The following HAL variants were observed in gnomAD, a reference collection of about 807,000 sequenced individuals.
HAL encodes histidase.
Under a neutral mutation model 81.1 loss-of-function variants are expected in HAL, and 85 were observed. The observed-to-expected ratio is 1.05, with a 90% CI of 0.88 to 1.25. The LOEUF is 1.25. HAL is among the 50% of genes most tolerant of loss of function. The probability of loss-of-function intolerance (pLI) is 0.00; values close to 1 mark genes in which losing one functional copy is unlikely to be tolerated. For synonymous variants in HAL, 301 were observed against 309.2 expected, an observed-to-expected ratio of 0.97 and a Z score of 0.28; for missense variants, 798 against 836.6, an observed-to-expected ratio of 0.95 and a Z score of 0.57.
At chr12:95,989,268 C>G (rs1488986950) in intron 10 of HAL, among the ~76,000 whole-genome samples, 1 of 152,208 alleles carries the variant, frequency 6.6e-6, no homozygotes, top group Non-Finnish European at 1.5e-5. Flanking sequence ...TCACTGCAGC[C>G]TTGAACTCCT....
chr12:95,978,127 G>A lies in HAL; in HGVS notation c.1520-49C>T, dbSNP rs776055893. 5 of 1,503,062 alleles carry A rather than the reference G, an allele frequency of 3.3e-6. No homozygotes were observed. The South Asian group carries it at 3.4e-5, about 10-fold the overall frequency. 93.1% of individuals were successfully genotyped at this position (1,503,062 alleles called of 1,614,324 possible). ...AGAAGTGCTCCTCACAGGATGAGCT[G>A]TCTAAAGGACCCGTGGCTTCCACAG... On this transcript the variant is annotated intron_variant, in intron 17 of 20. Coordinates refer to ENST00000261208, the MANE Select transcript of HAL (RefSeq NM_002108.4).
intron 11 of HAL, among the ~76,000 whole-genome samples, chr12:95,987,873 T>TA (rs1314723751): frequency 7.5e-6 from 1 of 134,008 alleles, no homozygotes; most frequent in Non-Finnish European, 1.6e-5. Context: ...CATGCCTGGC[T>TA]AATTTTTGTC....
chr12:95,996,151 C>T lies in HAL; in HGVS notation c.-155G>A. 5.7e-6 allele frequency: 3 copies of T among 529,806 alleles called. No individual in the cohort carries two copies. The highest frequency in any genetic ancestry group is 6.9e-6 in the Non-Finnish European group (2 of 288,740). 32.8% of individuals were successfully genotyped at this position (529,806 alleles called of 1,614,324 possible). On this transcript the variant is annotated 5_prime_UTR_variant, in exon 1 of 21. It adds an upstream start codon to the 5' untranslated region. Transcript: ENST00000261208. ...TGCAGACGGGTGAGCCTCCTGTCCA[C>T]TTTCCATCCAGACCTGCTGCCAGAA...
chr12:95,974,139 T>C lies in HAL; in HGVS notation c.*93A>G. 9.4e-7 allele frequency: 1 copy of C among 1,068,270 alleles called. No individual in the cohort carries two copies. The highest frequency in any genetic ancestry group is 1.5e-6 in the Non-Finnish European group (1 of 682,276). The allele number at this position is 1,068,270 out of a possible 1,614,324, so 66.2% of individuals were successfully genotyped here. ...AACTGAATGATACAATGGATTGATC[T>C]ACCTAGGAAAGTTCTCAGGTCTCTC... On this transcript the variant is annotated 3_prime_UTR_variant, in exon 21 of 21. Transcript: ENST00000261208.
Position 95,973,823 on chromosome 12 carries a change from T to TAAAA in HAL, c.*405_*408dup, listed in dbSNP as rs71307533. On this transcript the variant is annotated 3_prime_UTR_variant, in exon 21 of 21. Transcript: ENST00000261208. The stretch of plus-strand genomic sequence containing the variant: ...GGTGGAGAGCTTGTTGAAGCAAATT[T>TAAAA]AAAAAAAAAAAAAAAGGTTAACAAA... 0.081 allele frequency: 12,221 copies of TAAAA among 150,224 alleles called. 630 individuals carry two copies. Among genetic ancestry groups the TAAAA allele is most frequent in the Non-Finnish European group, 0.12 (8,647 of 69,878 alleles). The allele number at this position is 150,224 out of a possible 1,614,324, so 9.3% of individuals were successfully genotyped here. A position where few individuals can be genotyped will look rare whatever the true frequency, so the allele number is the denominator to read the frequency against.
intron 18 of HAL, 86 bp downstream of exon 18, chr12:95,977,858 A>ATGTTGC: frequency 7.2e-7 from 1 of 1,389,458 alleles, no homozygotes; most frequent in East Asian, 2.3e-5. Context: ...GGTGATGCTG[A>ATGTTGC]TGTTGCTGGT....
rs1950030062 is a variant in HAL at position 95,995,861 on chromosome 12, C to A, written c.50G>T (p.Cys17Phe). 1 of 1,608,896 alleles carries A rather than the reference C, an allele frequency of 6.2e-7. No individual in the cohort carries two copies. Among genetic ancestry groups the A allele is most frequent in the Non-Finnish European group, 8.5e-7 (1 of 1,179,942 alleles). Residue 17 changes from cysteine (C) to phenylalanine (F), a missense_variant, in exon 2 of 21, where the codon TGC becomes TTC. By Grantham distance (205) the Cys-to-Phe change is radical. Transcript: ENST00000261208. Reference protein sequence around the residue: ...HVRGEWLAVPCQDAQLTVGWL... With the variant: ...HVRGEWLAVPFQDAQLTVGWL... Reference sequence around the variant, plus strand: ...GCCCACAGTGAGCTGCGCGTCCTGGCAGGGCACTGCCAGCCATTCCCCACG... The same window carrying A: ...GCCCACAGTGAGCTGCGCGTCCTGGAAGGGCACTGCCAGCCATTCCCCACG...
At chr12:95,987,892 C>T (rs1244514821) in intron 11 of HAL, among the ~76,000 whole-genome samples, 2 of 29,924 alleles carry the variant, frequency 6.7e-5, no homozygotes, top group Middle Eastern at 0.016. Flanking sequence ...TCTTTTTTGG[C>T]GGGGCGGGGG....
rs1365129216 is a variant in HAL at position 95,993,935 on chromosome 12, C to G, written c.475G>C (p.Glu159Gln). 6.3e-7 allele frequency: 1 copy of G among 1,593,098 alleles called. No homozygotes were observed. The highest frequency in any genetic ancestry group is 1.1e-5 in the South Asian group (1 of 90,598). ...SREVIDSIIKEKTVVYGITTG... is the reference protein window; with the variant it reads ...SREVIDSIIKQKTVVYGITTG... ...AAAGATAAAAAGATACCTGTTTTCT[C>G]TTTTATGATGCTATCTATGACCTCC... The change falls in exon 6 of 21, where the codon GAG becomes CAG. Residue 159 changes from glutamate (E) to glutamine (Q), a missense_variant. Physicochemically the swap from Glu to Gln is conservative, Grantham distance 29 (BLOSUM62 2). Transcript: ENST00000261208.
At chr12:95,984,804 T>C (rs1239477628) in intron 14 of HAL, among the ~76,000 whole-genome samples, 1 of 152,256 alleles carries the variant, frequency 6.6e-6, no homozygotes, top group Non-Finnish European at 1.5e-5. Flanking sequence ...TTAATCTTCC[T>C]GTAGATCTAA....
At chr12:95,990,964 G>A (rs1949962895) in intron 9 of HAL, among the ~76,000 whole-genome samples, 1 of 152,142 alleles carries the variant, frequency 6.6e-6, no homozygotes, top group Admixed American at 6.6e-5. Context: ...ACAAAAATTA[G>A]CCAAGTATGG....
intron 2 of HAL, 183 bp from the exon 3 acceptor site, chr12:95,995,176 G>A: frequency 1.5e-6 from 1 of 659,956 alleles, no homozygotes; most frequent in Non-Finnish European, 2.7e-6. Context: ...AAGCAGAAAG[G>A]TAGGTGTCAG....
chr12:95,978,666 A>G (rs781720633), intron 17 of HAL, among the ~76,000 whole-genome samples: 3 of 152,144 alleles, frequency 2.0e-5, no homozygotes, highest in Non-Finnish European at 4.4e-5. Flanking sequence ...TATAACAAAT[A>G]TACTGAGCTT....
At chr12:95,981,269 G>T (rs2080792492) in intron 15 of HAL, among the ~76,000 whole-genome samples, 1 of 152,170 alleles carries the variant, frequency 6.6e-6, no homozygotes, top group African/African-American at 2.4e-5. Flanking sequence ...TTCCATAGAA[G>T]AATCTGTTGA....
chr12:95,992,531 C>T, intron 9 of HAL, 149 bp downstream of exon 9: 1 of 659,510 alleles, frequency 1.5e-6, no homozygotes, highest in South Asian at 1.7e-5. Flanking sequence ...CCCCATCTAA[C>T]TATCCTACTT....
Position 95,974,022 on chromosome 12 carries a change from C to A in HAL, c.*210G>T. ...GAAAAGTTTTATAATCTGAAAATACCTGGTGGGTCTTGAACCACGACAACA... is the reference window on the plus strand; with the variant it reads ...GAAAAGTTTTATAATCTGAAAATACATGGTGGGTCTTGAACCACGACAACA... On this transcript the variant is annotated 3_prime_UTR_variant, in exon 21 of 21. Coordinates refer to ENST00000261208, the MANE Select transcript of HAL (RefSeq NM_002108.4). 1 of 610,362 alleles carries A rather than the reference C, an allele frequency of 1.6e-6. No individual in the cohort carries two copies. Among genetic ancestry groups the A allele is most frequent in the South Asian group, 1.9e-5 (1 of 51,400 alleles). The allele number at this position is 610,362 out of a possible 1,614,324, so 37.8% of individuals were successfully genotyped here.
rs942857961 is a variant in HAL, at chr12:95,974,227, G to A, written c.*5C>T. On this transcript the variant is annotated 3_prime_UTR_variant, in exon 21 of 21. Transcript: ENST00000261208. ...CTCTCATCTGCTACTTCATGACAAA[G>A]CCCATTAAAGGTCCTCAGACTCCGG... 1 of 1,613,122 alleles carries A rather than the reference G, an allele frequency of 6.2e-7. No individual in the cohort carries two copies. The highest frequency in any genetic ancestry group is 1.3e-5 in the African/African-American group (1 of 74,890).
chr12:95,995,920 G>A lies in HAL; in HGVS notation c.-10C>T. 6.2e-7 allele frequency: 1 copy of A among 1,601,922 alleles called. No individual in the cohort carries two copies. ...CCGTGTATCTGGGCATGGCTCCGCTGCAGCCTGAGGTCCTCAGCTGGTCAC... is the reference window on the plus strand; with the variant it reads ...CCGTGTATCTGGGCATGGCTCCGCTACAGCCTGAGGTCCTCAGCTGGTCAC... On this transcript the variant is annotated 5_prime_UTR_variant, in exon 2 of 21. Transcript: ENST00000261208.
intron 18 of HAL, among the ~76,000 whole-genome samples, chr12:95,977,329 G>C (rs950302774): frequency 4.0e-5 from 6 of 151,796 alleles, no homozygotes; most frequent in Non-Finnish European, 5.9e-5. Context: ...TCAAGGTGGG[G>C]TGTGAGAGTT....
Sources: allele counts gnomAD v4.1 joint callset (sites outside exome capture counted in the v4.1 genomes callset), GRCh38; gene constraint gnomAD v4.1.1; transcripts MANE v1.5; gene names NCBI Gene and HGNC (gene_info 2026-07-23, HGNC 2026-07-21).